Variants in ANKS1B observed in about 807,000 individuals in gnomAD.
The protein encoded by ANKS1B is ankyrin repeat and sterile alpha motif domain containing 1B, also known as ankyrin repeat and sterile alpha motif domain-containing protein 1B.
A neutral mutation model predicts 148.3 loss-of-function variants in ANKS1B; 36 were observed. The ratio of observed to expected loss-of-function variants is 0.24; its 90% CI spans 0.19 to 0.32. ANKS1B has a LOEUF of 0.32. Ranked by LOEUF, ANKS1B falls within the 10% of genes least tolerant of loss-of-function variation. The pLI is 1.00. For synonymous variants in ANKS1B, 542 were observed against 560.8 expected (o/e 0.97, Z 0.47); for missense variants, 1,157 against 1,542.6 (o/e 0.75, Z 4.19).
intron 1 of ANKS1B, among the ~76,000 whole-genome samples, chr12:99,916,936 C>T (rs1476167253): frequency 1.3e-5 from 2 of 152,180 alleles, no homozygotes; most frequent in Non-Finnish European, 2.9e-5. Flanking sequence ...TTTGACATTG[C>T]TGTAATAACT....
intron 9 of ANKS1B, among the ~76,000 whole-genome samples, chr12:99,640,729 A>AAAATGAACC (rs2098294806): frequency 3.9e-5 from 6 of 152,196 alleles, no homozygotes; most frequent in African/African-American, 1.4e-4. Flanking sequence ...TGAAAAATGA[A>AAAATGAACC]CGGATGAGTG....
At chr12:98,831,856 T>C (rs952382953) in intron 18 of ANKS1B, 173 bp downstream of exon 18, 2 of 645,586 alleles carry the variant, frequency 3.1e-6, no homozygotes, top group Admixed American at 2.2e-5. Flanking sequence ...TTCAAGTGAT[T>C]TTCATGTCTC....
At chr12:98,804,935 A>G (rs1383205690) in intron 20 of ANKS1B, among the ~76,000 whole-genome samples, 1 of 152,216 alleles carries the variant, frequency 6.6e-6, no homozygotes, top group Non-Finnish European at 1.5e-5. Context: ...TTTTGCCACA[A>G]TAATGGTTTA....
chr12:99,294,841 C>A (rs547600926), intron 12 of ANKS1B, among the ~76,000 whole-genome samples: 2 of 152,010 alleles, frequency 1.3e-5, no homozygotes. Flanking sequence ...TTAGTAGAGA[C>A]GGGGTTTCTC....
At chr12:99,682,229 T>C (rs1048886723) in intron 8 of ANKS1B, among the ~76,000 whole-genome samples, 1 of 152,128 alleles carries the variant, frequency 6.6e-6, no homozygotes, top group Non-Finnish European at 1.5e-5. Context: ...AAAGAAACAA[T>C]GAACTTAAAC....
At chr12:99,093,141 C>A (rs1384509779) in intron 15 of ANKS1B, among the ~76,000 whole-genome samples, 1 of 152,222 alleles carries the variant, frequency 6.6e-6, no homozygotes, top group Non-Finnish European at 1.5e-5. Flanking sequence ...TTCACACACA[C>A]AAGCTTACAT....
At chr12:99,771,231 G>C (rs964434943) in intron 8 of ANKS1B, among the ~76,000 whole-genome samples, 5 of 151,950 alleles carry the variant, frequency 3.3e-5, no homozygotes, top group Non-Finnish European at 7.4e-5. Context: ...AATTTCTTTT[G>C]TTGTGTATGT....
At chr12:99,006,352 G>A (rs1390376663) in intron 17 of ANKS1B, among the ~76,000 whole-genome samples, 1 of 152,182 alleles carries the variant, frequency 6.6e-6, no homozygotes, top group Non-Finnish European at 1.5e-5. Context: ...TAGGGACACA[G>A]TCCCTGCTTT....
intron 8 of ANKS1B, among the ~76,000 whole-genome samples, chr12:99,656,900 C>T (rs1264751761): frequency 1.3e-5 from 2 of 152,120 alleles, no homozygotes; most frequent in East Asian, 3.9e-4. Flanking sequence ...AAATAGCATC[C>T]TCCCCCCAAA....
intron 9 of ANKS1B, among the ~76,000 whole-genome samples, chr12:99,626,933 T>C (rs934467752): frequency 3.0e-4 from 45 of 152,184 alleles, no homozygotes; most frequent in Admixed American, 2.6e-3. Flanking sequence ...GTTTCTCCCT[T>C]CTATTATAAA....
At chr12:99,155,052 T>C (rs1444552929) in intron 14 of ANKS1B, 7 of 1,534,962 alleles carry the variant, frequency 4.6e-6, no homozygotes, top group Admixed American at 2.0e-5. Flanking sequence ...ACCAAAGTGC[T>C]TAAATCTGAA....
At chr12:99,183,533 C>T (rs1341661939) in intron 14 of ANKS1B, among the ~76,000 whole-genome samples, 1 of 152,154 alleles carries the variant, frequency 6.6e-6, no homozygotes, top group Non-Finnish European at 1.5e-5. Context: ...ATCCCACCTA[C>T]TTGGGAGGCT....
At chr12:99,821,116 G>A (rs1395575035) in intron 2 of ANKS1B, among the ~76,000 whole-genome samples, 1 of 151,912 alleles carries the variant, frequency 6.6e-6, no homozygotes, top group African/African-American at 2.4e-5. Flanking sequence ...TACCAACACA[G>A]TGTATCATTC....
At chr12:98,779,866 A>T (rs2098716738) in intron 24 of ANKS1B, among the ~76,000 whole-genome samples, 1 of 152,226 alleles carries the variant, frequency 6.6e-6, no homozygotes, top group South Asian at 2.1e-4. Flanking sequence ...AGTTGGAATC[A>T]CCATTATGCT....
chr12:99,073,289 G>T (rs574015227), intron 16 of ANKS1B, among the ~76,000 whole-genome samples: 8 of 152,282 alleles, frequency 5.3e-5, no homozygotes, highest in Non-Finnish European at 1.0e-4. Context: ...GTCTGACCAT[G>T]TTCCCAACCA....
intron 10 of ANKS1B, among the ~76,000 whole-genome samples, chr12:99,485,982 CCT>C (rs1333776542): frequency 6.6e-6 from 1 of 152,080 alleles, no homozygotes; most frequent in Non-Finnish European, 1.5e-5. Flanking sequence ...CTAATATCTC[CCT>C]GAGTAGCTTA....
chr12:99,847,919 T>C (rs1317956327), intron 1 of ANKS1B, among the ~76,000 whole-genome samples: 1 of 151,572 alleles, frequency 6.6e-6, no homozygotes, highest in African/African-American at 2.4e-5. Flanking sequence ...AGAGTGGGAG[T>C]AGAGGAAGAG....
chr12:99,355,048 A>G (rs949567098), intron 12 of ANKS1B, among the ~76,000 whole-genome samples: 1 of 152,136 alleles, frequency 6.6e-6, no homozygotes, highest in South Asian at 2.1e-4. Flanking sequence ...TCTAATACTT[A>G]TTGAGTGCTT....
chr12:99,066,035 G>T (rs1360984690), intron 16 of ANKS1B, among the ~76,000 whole-genome samples: 1 of 152,134 alleles, frequency 6.6e-6, no homozygotes, highest in Non-Finnish European at 1.5e-5. Flanking sequence ...CAGTGGATTG[G>T]CTGGGCACAG....
Sources: allele counts gnomAD v4.1 joint callset (sites outside exome capture counted in the v4.1 genomes callset), GRCh38; gene constraint gnomAD v4.1.1; transcripts MANE v1.5; gene names NCBI Gene and HGNC (gene_info 2026-07-23, HGNC 2026-07-21).